Variants in COL5A2 observed in about 807,000 individuals in gnomAD.
COL5A2 encodes collagen alpha-2(V) chain.
A neutral mutation model predicts 208.2 loss-of-function variants in COL5A2; 23 were observed. The ratio of observed to expected loss-of-function variants is 0.11; its 90% CI spans 0.08 to 0.16. COL5A2 has a LOEUF of 0.16. Among genes scored for constraint, COL5A2 ranks in the 10% least tolerant of loss-of-function variants. The pLI is 1.00. For synonymous variants in COL5A2, 625 were observed against 628.5 expected (o/e 0.99, Z 0.08); for missense variants, 1,590 against 1,956.4 (o/e 0.81, Z 3.53).
At chr2:189,147,333 A>C (rs1688059028) in intron 1 of COL5A2, among the ~76,000 whole-genome samples, 1 of 152,168 alleles carries the variant, frequency 6.6e-6, no homozygotes, top group Non-Finnish European at 1.5e-5. Flanking sequence ...GTAACAAATT[A>C]AGCAAACCAG....
chr2:189,069,696 T>C (rs1329474553), intron 18 of COL5A2, among the ~76,000 whole-genome samples: 1 of 152,220 alleles, frequency 6.6e-6, no homozygotes, highest in African/African-American at 2.4e-5. Context: ...TGAAACTCAC[T>C]GTAAAAAGTC....
chr2:189,299,430 G>A, the COL5A2 span, among the ~76,000 whole-genome samples: 4 of 152,140 alleles, frequency 2.6e-5, no homozygotes, highest in Admixed American at 6.6e-5. Flanking sequence ...ACCTCGATAC[G>A]TGGCTCAAAT....
chr2:189,056,039 C>T (rs1685894485), intron 35 of COL5A2, among the ~76,000 whole-genome samples: 1 of 152,140 alleles, frequency 6.6e-6, no homozygotes, highest in South Asian at 2.1e-4. Context: ...AGAAGTGGTG[C>T]ATCCTTAATT....
chr2:189,195,426 C>T (rs1469074101), intron 1 of COL5A2, among the ~76,000 whole-genome samples: 1 of 152,154 alleles, frequency 6.6e-6, no homozygotes, highest in Non-Finnish European at 1.5e-5. Flanking sequence ...TCCCATCAAA[C>T]TACGATTGAC....
chr2:189,374,287 C>A, the COL5A2 span, among the ~76,000 whole-genome samples: 1 of 150,834 alleles, frequency 6.6e-6, no homozygotes. Context: ...TTACTAAAAG[C>A]AATTTCAAAG....
intron 2 of COL5A2, among the ~76,000 whole-genome samples, chr2:189,109,930 A>T (rs1687227398): frequency 6.6e-6 from 1 of 152,178 alleles, no homozygotes; most frequent in Non-Finnish European, 1.5e-5. Flanking sequence ...GGCACTCATC[A>T]TGCATATGGT....
chr2:189,069,788 A>G (rs916835330), intron 18 of COL5A2, among the ~76,000 whole-genome samples: 4 of 152,214 alleles, frequency 2.6e-5, no homozygotes, highest in Non-Finnish European at 2.9e-5. Context: ...ATATTTCAGA[A>G]TATAAGATTT....
At chr2:189,298,922 G>A in the COL5A2 span, among the ~76,000 whole-genome samples, 1 of 152,146 alleles carries the variant, frequency 6.6e-6, no homozygotes, top group East Asian at 1.9e-4. Flanking sequence ...AACTCTGAAG[G>A]AAGTGTAAAT....
chr2:189,046,634 G>C (rs1019656149), intron 45 of COL5A2, among the ~76,000 whole-genome samples: 1 of 152,074 alleles, frequency 6.6e-6, no homozygotes, highest in South Asian at 2.1e-4. Context: ...TGAGATAAGC[G>C]TTATATGAAC....
intron 2 of COL5A2, 150 bp downstream of exon 2, chr2:189,110,075 G>A (rs1687229630): frequency 1.5e-6 from 1 of 679,158 alleles, no homozygotes; most frequent in Admixed American, 2.1e-5. Flanking sequence ...GATGAAGTGA[G>A]TGAGCAAAAT....
At chr2:189,420,809 T>G in the COL5A2 span, among the ~76,000 whole-genome samples, 1 of 152,128 alleles carries the variant, frequency 6.6e-6, no homozygotes, top group Non-Finnish European at 1.5e-5. Context: ...TCTGTTTCCA[T>G]AAGATTTCCC....
chr2:189,148,457 C>T (rs1393184658), intron 1 of COL5A2, among the ~76,000 whole-genome samples: 1 of 152,096 alleles, frequency 6.6e-6, no homozygotes, highest in East Asian at 1.9e-4. Context: ...CACAGGTCTT[C>T]TAAGCTGGGA....
At chr2:189,256,894 T>C in the COL5A2 span, among the ~76,000 whole-genome samples, 1 of 152,230 alleles carries the variant, frequency 6.6e-6, no homozygotes, top group South Asian at 2.1e-4. Flanking sequence ...TCCCAAAGTG[T>C]TGGGATTACA....
the COL5A2 span, among the ~76,000 whole-genome samples, chr2:189,303,288 G>A: frequency 1.3e-5 from 2 of 152,128 alleles, no homozygotes; most frequent in Non-Finnish European, 2.9e-5. Context: ...GAGAACTACT[G>A]TATTTCTCTT....
the COL5A2 span, among the ~76,000 whole-genome samples, chr2:189,392,353 C>A: frequency 6.6e-6 from 1 of 152,088 alleles, no homozygotes; most frequent in African/African-American, 2.4e-5. Flanking sequence ...CTGACTTTGA[C>A]CTTATCCTCT....
At chr2:189,200,383 A>T (rs1338005800) in intron 1 of COL5A2, among the ~76,000 whole-genome samples, 2 of 152,038 alleles carry the variant, frequency 1.3e-5, no homozygotes, top group African/African-American at 4.8e-5. Context: ...GGAAGCTGCT[A>T]AGTGAATTAC....
the COL5A2 span, among the ~76,000 whole-genome samples, chr2:189,337,467 C>A: frequency 6.6e-6 from 1 of 152,074 alleles, no homozygotes; most frequent in Non-Finnish European, 1.5e-5. Flanking sequence ...CAGGCGTGAG[C>A]CACCGCGCCC....
intron 1 of COL5A2, among the ~76,000 whole-genome samples, chr2:189,221,428 C>T (rs1689346699): frequency 6.6e-6 from 1 of 152,194 alleles, no homozygotes; most frequent in Non-Finnish European, 1.5e-5. Context: ...TTCTACCTTG[C>T]TGCTCAGGAT....
At chr2:189,034,770 T>C (rs1685408508) in intron 53 of COL5A2, 146 bp downstream of exon 53, 8 of 886,860 alleles carry the variant, frequency 9.0e-6, no homozygotes, top group African/African-American at 1.7e-5. Flanking sequence ...CACACACACA[T>C]TTACCCTAAG....
Sources: allele counts gnomAD v4.1 joint callset (sites outside exome capture counted in the v4.1 genomes callset), GRCh38; gene constraint gnomAD v4.1.1; transcripts MANE v1.5; gene names NCBI Gene and HGNC (gene_info 2026-07-23, HGNC 2026-07-21).